TEX9: variants seen among roughly 807,000 people sequenced by gnomAD.
TEX9 encodes testis-expressed protein 9.
TEX9 carries 74 observed loss-of-function variants against 59.6 expected under a neutral mutation model. The ratio of observed to expected loss-of-function variants is 1.24; its 90% confidence interval spans 1.03 to 1.51. The LOEUF (loss-of-function observed/expected upper bound fraction) is 1.51, where lower values mean the gene tolerates loss of function less well. TEX9 is among the 40% of genes most tolerant of loss of function. The pLI, the probability that TEX9 is intolerant of heterozygous loss-of-function variation, is 0.00. For missense variants in TEX9, 522 were observed against 447.8 expected (o/e 1.17, Z -1.49); for synonymous variants, 186 against 152.2 (o/e 1.22, Z -1.64).
At chr15:56,272,143 C>CAAA (rs34084962) in intron 1 of TEX9, among the ~76,000 whole-genome samples, 1 of 143,978 alleles carries the variant, frequency 6.9e-6, no homozygotes, top group Non-Finnish European at 1.5e-5. Flanking sequence ...CATTCCATCT[C>CAAA]AAAAAAAAAA....
intron 1 of TEX9, among the ~76,000 whole-genome samples, chr15:56,358,834 C>G (rs1272270758): frequency 6.6e-6 from 1 of 152,084 alleles, no homozygotes; most frequent in African/African-American, 2.4e-5. Flanking sequence ...AGTGATGTCT[C>G]ATGAGATCTG....
intron 1 of TEX9, among the ~76,000 whole-genome samples, chr15:56,320,711 C>T (rs2045882639): frequency 6.6e-6 from 1 of 152,104 alleles, no homozygotes; most frequent in South Asian, 2.1e-4. Flanking sequence ...TTAGGGTAGC[C>T]ATATGATTTG....
chr15:56,443,785 C>T (rs370107961), intron 12 of TEX9: 75 of 1,612,752 alleles, frequency 4.7e-5, no homozygotes, highest in Non-Finnish European at 6.0e-5. Flanking sequence ...TCCAGAGAGC[C>T]TGCTCTTTCT....
chr15:56,433,430 A>AATATT (rs1567147042), intron 12 of TEX9, among the ~76,000 whole-genome samples: 5 of 139,258 alleles, frequency 3.6e-5, no homozygotes, highest in Non-Finnish European at 7.9e-5. Context: ...AAATATTAAA[A>AATATT]AAATAATTAA....
intron 1 of TEX9, among the ~76,000 whole-genome samples, chr15:56,344,841 A>G (rs77981154): frequency 0.018 from 2,695 of 151,946 alleles, 31 homozygotes; most frequent in Non-Finnish European, 0.03. Context: ...TGGGAACATA[A>G]AAAGCAGAAT....
chr15:56,273,682 G>C (rs1006596442), intron 1 of TEX9, among the ~76,000 whole-genome samples: 4 of 152,090 alleles, frequency 2.6e-5, no homozygotes, highest in African/African-American at 9.7e-5. Context: ...TCTTCTTTAT[G>C]TATGAAAGAT....
At chr15:56,411,673 G>T (rs1219247161) in intron 9 of TEX9, among the ~76,000 whole-genome samples, 1 of 152,110 alleles carries the variant, frequency 6.6e-6, no homozygotes, top group Non-Finnish European at 1.5e-5. Flanking sequence ...GATTATGGTG[G>T]AGTTAAGAGT....
intron 1 of TEX9, among the ~76,000 whole-genome samples, chr15:56,284,159 C>CT (rs763177614): frequency 6.6e-6 from 1 of 151,800 alleles, no homozygotes; most frequent in Non-Finnish European, 1.5e-5. Context: ...TACACTTCTC[C>CT]TTTTTTTTCT....
At chr15:56,364,414 A>G (rs1260927631), upstream of TEX9, among the ~76,000 whole-genome samples, 9 of 151,400 alleles carry the variant, frequency 5.9e-5, no homozygotes, top group African/African-American at 2.2e-4. Context: ...TGGCCTCCCA[A>G]AGTGCTTGGA....
intron 10 of TEX9, among the ~76,000 whole-genome samples, chr15:56,425,168 T>C (rs4774857): frequency 0.32 from 48,820 of 151,988 alleles, 8,414 homozygotes; most frequent in Middle Eastern, 0.48. Flanking sequence ...CTGTCAAGAT[T>C]TTCTCTTTGT....
chr15:56,448,751 CTTTTTTTTTT>C (rs34366643), downstream of TEX9, among the ~76,000 whole-genome samples: 28 of 117,678 alleles, frequency 2.4e-4, no homozygotes, highest in African/African-American at 8.5e-4. Context: ...TTTTTAGATT[CTTTTTTTTTT>C]TTTTTTTTTG....
At chr15:56,440,370 A>G (rs1653191588) in intron 12 of TEX9, among the ~76,000 whole-genome samples, 1 of 152,234 alleles carries the variant, frequency 6.6e-6, no homozygotes, top group South Asian at 2.1e-4. Flanking sequence ...TCTGATGGGA[A>G]TGTTAAATGC....
At chr15:56,270,844 T>C (rs138163260) in intron 1 of TEX9, among the ~76,000 whole-genome samples, 6,703 of 152,294 alleles carry the variant, frequency 0.044, 225 homozygotes, top group Admixed American at 0.087. Flanking sequence ...TGATAAAATC[T>C]CTCAACATTT....
chr15:56,392,429 A>G (rs1353183578), intron 7 of TEX9, among the ~76,000 whole-genome samples: 16 of 151,898 alleles, frequency 1.1e-4, no homozygotes, highest in Middle Eastern at 3.4e-3. Context: ...TTTCATGAGA[A>G]CTCACTATCA....
At chr15:56,405,511 A>T (rs1013997791) in intron 9 of TEX9, among the ~76,000 whole-genome samples, 15 of 152,292 alleles carry the variant, frequency 9.8e-5, no homozygotes, top group Non-Finnish European at 1.9e-4. Flanking sequence ...ACTCTTTAAG[A>T]GTTTAATACT....
At chr15:56,365,800 T>C (rs1213925919) in intron 2 of TEX9, 130 bp downstream of exon 2, 1 of 1,465,506 alleles carries the variant, frequency 6.8e-7, no homozygotes, top group Non-Finnish European at 9.0e-7. Flanking sequence ...TCTCGTCATC[T>C]CGTTCACCTG....
chr15:56,457,701 C>G, the TEX9 span, among the ~76,000 whole-genome samples: 1 of 151,624 alleles, frequency 6.6e-6, no homozygotes, highest in African/African-American at 2.4e-5. Flanking sequence ...GTAGTTCTAG[C>G]TGTATCAGGA....
chr15:56,401,308 CAAAAAAAAAAAAAA>C (rs1207055803), intron 9 of TEX9, among the ~76,000 whole-genome samples: 1 of 46,772 alleles, frequency 2.1e-5, no homozygotes, highest in African/African-American at 1.0e-4. Flanking sequence ...AAATTGAAAG[CAAAAAAAAAAAAAA>C]AAAAAAAAAA....
At position 56,388,539 on chromosome 15, in the gene TEX9, T is replaced by C; in HGVS notation, c.312+19T>C. On this transcript the variant is annotated intron_variant, in intron 5 of 12. Coordinates refer to ENST00000352903, the Ensembl canonical transcript of TEX9. Reference sequence around the variant, plus strand: ...AACTAAGGTATGAAATCAAACTTTCTGTGAATGCAATTATATTCTGTAGAA... The same window carrying C: ...AACTAAGGTATGAAATCAAACTTTCCGTGAATGCAATTATATTCTGTAGAA... 1 of 1,603,046 alleles carries C rather than the reference T, an allele frequency of 6.2e-7. No homozygotes were observed. The highest frequency in any genetic ancestry group is 2.2e-5 in the East Asian group (1 of 44,690).
Sources: allele counts gnomAD v4.1 joint callset (sites outside exome capture counted in the v4.1 genomes callset), GRCh38; gene constraint gnomAD v4.1.1; transcripts MANE v1.5; gene names NCBI Gene and HGNC (gene_info 2026-07-23, HGNC 2026-07-21).